The following IL1RAPL1 variants were observed in gnomAD, a reference collection of about 807,000 sequenced individuals.
The protein encoded by IL1RAPL1 is interleukin 1 receptor accessory protein like 1, also known as interleukin-1 receptor accessory protein-like 1.
In IL1RAPL1, 3 loss-of-function variants were observed where a neutral mutation model predicts 48.4. The ratio of observed to expected loss-of-function variants is 0.06; its 90% CI spans 0.03 to 0.16. The LOEUF is 0.16. Among genes scored for constraint, IL1RAPL1 ranks in the 10% least tolerant of loss-of-function variants. The probability of loss-of-function intolerance (pLI) is 1.00; values close to 1 mark genes in which losing one functional copy is unlikely to be tolerated. For missense variants in IL1RAPL1, 349 were observed against 530.6 expected (o/e 0.66, Z 3.36); for synonymous variants, 185 against 187.7 (o/e 0.99, Z 0.12).
At chrX:28,899,218 C>G (rs1273011485) in intron 2 of IL1RAPL1, among the ~76,000 whole-genome samples, 3 of 111,294 alleles carry the variant, frequency 2.7e-5, no homozygotes, top group Non-Finnish European at 3.8e-5. Flanking sequence ...GGAAGCAGCC[C>G]CCATGATCCA....
At chrX:29,358,756 C>T (rs1257214850) in intron 3 of IL1RAPL1, among the ~76,000 whole-genome samples, 1 of 110,852 alleles carries the variant, frequency 9.0e-6, no homozygotes, top group Non-Finnish European at 1.9e-5. Flanking sequence ...CGGTGGCTCA[C>T]GCCTGTAATC....
At chrX:29,425,548 A>T (rs908997745) in intron 5 of IL1RAPL1, among the ~76,000 whole-genome samples, 3 of 111,555 alleles carry the variant, frequency 2.7e-5, no homozygotes, top group Non-Finnish European at 5.6e-5. Context: ...GGGGATTTGG[A>T]AAATGCCTGC....
intron 5 of IL1RAPL1, among the ~76,000 whole-genome samples, chrX:29,579,188 C>T (rs1196962915): frequency 8.9e-6 from 1 of 112,209 alleles, no homozygotes. Context: ...CATAAAAAAT[C>T]ATAAGGCTAG....
chrX:29,383,652 G>A (rs1933739706), intron 3 of IL1RAPL1, among the ~76,000 whole-genome samples: 1 of 111,885 alleles, frequency 8.9e-6, no homozygotes. Context: ...CAAGCCATTC[G>A]TTATTTTAAT....
At chrX:29,491,807 A>G (rs112239701) in intron 5 of IL1RAPL1, among the ~76,000 whole-genome samples, 4,993 of 110,799 alleles carry the variant, frequency 0.045, 353 homozygotes, top group African/African-American at 0.16. Context: ...CCAAAATGGG[A>G]GCATTCTAGA....
At chrX:28,874,630 A>G (rs1922320209) in intron 2 of IL1RAPL1, among the ~76,000 whole-genome samples, 1 of 112,288 alleles carries the variant, frequency 8.9e-6, no homozygotes, top group Non-Finnish European at 1.9e-5. Context: ...GTATCAACTG[A>G]AATATTTTTC....
At chrX:28,735,715 A>T (rs1187256190) in intron 1 of IL1RAPL1, among the ~76,000 whole-genome samples, 1 of 110,586 alleles carries the variant, frequency 9.0e-6, no homozygotes, top group African/African-American at 3.3e-5. Context: ...GAGGCTGTTG[A>T]GCTATGATCA....
At chrX:29,180,842 C>T (rs982844502) in intron 2 of IL1RAPL1, among the ~76,000 whole-genome samples, 5 of 111,424 alleles carry the variant, frequency 4.5e-5, no homozygotes, top group South Asian at 7.5e-4. Flanking sequence ...ATTACAGTGA[C>T]GTTTTAGATT....
chrX:29,010,122 C>A (rs1303488341), intron 2 of IL1RAPL1, among the ~76,000 whole-genome samples: 1 of 112,346 alleles, frequency 8.9e-6, no homozygotes, highest in African/African-American at 3.2e-5. Context: ...TGAAGCTTTA[C>A]TGAAGTCATT....
chrX:29,113,265 T>C (rs1419289399), intron 2 of IL1RAPL1, among the ~76,000 whole-genome samples: 1 of 112,177 alleles, frequency 8.9e-6, no homozygotes, highest in Non-Finnish European at 1.9e-5. Flanking sequence ...AGCATCTCTA[T>C]CTACAGTGTG....
chrX:29,337,167 C>T (rs985434630), intron 3 of IL1RAPL1, among the ~76,000 whole-genome samples: 1 of 111,763 alleles, frequency 8.9e-6, no homozygotes, highest in African/African-American at 3.2e-5. Context: ...GGACATTTTA[C>T]TGCATTGCCT....
intron 3 of IL1RAPL1, among the ~76,000 whole-genome samples, chrX:29,356,931 C>T (rs1279844234): frequency 4.5e-5 from 5 of 111,521 alleles, no homozygotes; most frequent in African/African-American, 9.8e-5. Flanking sequence ...TTCTAGTTTT[C>T]GCCTCAGAGA....
At chrX:29,188,254 G>A (rs1468792268) in intron 2 of IL1RAPL1, among the ~76,000 whole-genome samples, 3 of 111,689 alleles carry the variant, frequency 2.7e-5, no homozygotes, top group East Asian at 5.6e-4. Context: ...TTGACTGGCA[G>A]GATAGGACTA....
At chrX:29,605,071 A>AACACACACACAC (rs757087732) in intron 5 of IL1RAPL1, among the ~76,000 whole-genome samples, 4 of 65,048 alleles carry the variant, frequency 6.1e-5, no homozygotes, top group Admixed American at 1.9e-4. Context: ...CTAAGTCTTA[A>AACACACACACAC]ACACACACAC....
At chrX:28,906,901 G>C (rs1211492330) in intron 2 of IL1RAPL1, among the ~76,000 whole-genome samples, 1 of 112,022 alleles carries the variant, frequency 8.9e-6, no homozygotes, top group Non-Finnish European at 1.9e-5. Context: ...ATGGTTTCAA[G>C]TAACACTTGG....
chrX:29,710,770 G>C (rs1601790225), intron 6 of IL1RAPL1, among the ~76,000 whole-genome samples: 1 of 106,984 alleles, frequency 9.3e-6, no homozygotes, highest in East Asian at 2.9e-4. Flanking sequence ...ATTTGTTCCT[G>C]TATGTATACC....
rs371839995 is a variant in IL1RAPL1 at position 29,917,291 on chromosome X, G to A, written c.779-173G>A. ...ATTCCATTAAACAAGCCATGTTGTC[G>A]AAAGCACACATTCTATCAATTTGAC... On this transcript the variant is annotated intron_variant, in intron 6 of 10. Coordinates refer to ENST00000378993, the MANE Select transcript of IL1RAPL1 (RefSeq NM_014271.4). Among the ~76,000 whole-genome samples the A allele has an allele frequency of 1.3e-4, 15 of 112,432 alleles. No homozygotes were observed. The East Asian group carries it at 2.2e-3, about 17-fold the overall frequency.
In IL1RAPL1 at chrX:28,925,128, C is replaced by T. The variant is rs973997368; in HGVS notation, c.82+135703C>T. On this transcript the variant is annotated intron_variant, in intron 2 of 10. Transcript: ENST00000378993. ...TATAGAAATATAACTTAGGAGTCCA[C>T]CTAATGCTAGAATTTTTATCGCATT... Among the ~76,000 whole-genome samples, 9 of 111,348 alleles carry T rather than the reference C, an allele frequency of 8.1e-5. No individual in the cohort carries two copies. In the East Asian group the frequency reaches 1.7e-3, roughly 21 times the overall value.
rs764007774 is a variant in IL1RAPL1 at position 28,873,821 on chromosome X, G to A, written c.82+84396G>A. ...GCTGGGATTACAAGCATGAGCCACC[G>A]CACCTGGCCTATTGTTTTCTAATAC... On this transcript the variant is annotated intron_variant, in intron 2 of 10. Coordinates refer to ENST00000378993, the MANE Select transcript of IL1RAPL1 (RefSeq NM_014271.4). Among the ~76,000 whole-genome samples the A allele has an allele frequency of 6.7e-4, 74 of 109,903 alleles. 1 individual carries two copies. The East Asian group carries it at 9.4e-3, about 14-fold the overall frequency.
Sources: gnomAD v4.1 joint callset for allele counts (sites outside exome capture counted in the v4.1 genomes callset) on GRCh38, gnomAD v4.1.1 for gene constraint, MANE v1.5 for transcripts, NCBI Gene and HGNC (gene_info 2026-07-23, HGNC 2026-07-21) for gene names.